The following OPCML variants were observed in gnomAD, a reference collection of about 807,000 sequenced individuals.
OPCML encodes the protein opioid-binding protein/cell adhesion molecule.
In OPCML, 13 loss-of-function variants were observed where a neutral mutation model predicts 37.8. The observed-to-expected ratio is 0.34, with a 90% CI of 0.22 to 0.55. The LOEUF (loss-of-function observed/expected upper bound fraction) is 0.55, where lower values mean the gene tolerates loss of function less well. Ranked by LOEUF, OPCML falls within the 20% of genes least tolerant of loss-of-function variation. The pLI, the probability that OPCML is intolerant of heterozygous loss-of-function variation, is 0.91. For missense variants in OPCML, 341 were observed against 435.6 expected, an observed-to-expected ratio of 0.78 and a Z score of 1.93; for synonymous variants, 176 against 168.8, an observed-to-expected ratio of 1.04 and a Z score of -0.33.
At position 132,454,547 on chromosome 11, in the gene OPCML, G is replaced by A. The variant is rs1003628079; in HGVS notation, c.506-17188C>T. 1.9e-4 allele frequency among the ~76,000 whole-genome samples: 29 copies of A among 152,188 alleles called. 1 individual carries two copies. The highest frequency in any genetic ancestry group is 1.2e-4 in the African/African-American group (5 of 41,450). On this transcript the variant is annotated intron_variant, in intron 4 of 7. Transcript: ENST00000524381. Reference sequence around the variant, plus strand: ...GCCTCTTCCACACACTGCTCACTGCGACAGCCTCGCAGAGGGCTCCCAGCT... The same window carrying A: ...GCCTCTTCCACACACTGCTCACTGCAACAGCCTCGCAGAGGGCTCCCAGCT...
intron 1 of OPCML, among the ~76,000 whole-genome samples, chr11:133,289,905 C>T (rs1015281551): frequency 3.9e-5 from 6 of 152,166 alleles, no homozygotes; most frequent in South Asian, 2.1e-4. Flanking sequence ...GGGGGATTAA[C>T]GTCCATTTCC....
intron 2 of OPCML, among the ~76,000 whole-genome samples, chr11:132,776,219 C>T (rs570243568): frequency 2.8e-4 from 43 of 152,320 alleles, no homozygotes; most frequent in Admixed American, 1.8e-3. Context: ...GTTGAGTCAC[C>T]GCGCCCAGCT....
chr11:133,320,150 C>T (rs1943296261), intron 1 of OPCML, among the ~76,000 whole-genome samples: 1 of 152,156 alleles, frequency 6.6e-6, no homozygotes, highest in Non-Finnish European at 1.5e-5. Context: ...ATTTTATTTT[C>T]CCTAATATGT....
intron 1 of OPCML, among the ~76,000 whole-genome samples, chr11:133,091,450 A>G (rs1191694579): frequency 6.6e-6 from 1 of 152,204 alleles, no homozygotes; most frequent in Non-Finnish European, 1.5e-5. Flanking sequence ...CACCTCTTCA[A>G]TAATGCAAAC....
At chr11:133,518,220 TG>T (rs899529687) in intron 1 of OPCML, among the ~76,000 whole-genome samples, 59 of 150,928 alleles carry the variant, frequency 3.9e-4, no homozygotes, top group Admixed American at 9.9e-4. Flanking sequence ...TATAAGTGTG[TG>T]GGGGGGTGTG....
chr11:133,047,070 T>A (rs1948030960), intron 1 of OPCML, among the ~76,000 whole-genome samples: 1 of 152,172 alleles, frequency 6.6e-6, no homozygotes, highest in Admixed American at 6.5e-5. Context: ...AAACGGTGAT[T>A]GAGACAAGGT....
rs551892221 is a variant in OPCML at position 132,902,407 on chromosome 11, C to G, written c.146+40519G>C. On this transcript the variant is annotated intron_variant, in intron 2 of 7. Coordinates refer to ENST00000524381, the MANE Select transcript of OPCML (RefSeq NM_001012393.5). ...CTGTGTGACGTGCTCAGCATAGTGT[C>G]TGGCACATGCTGGGTGTGCACGGGT... Among the ~76,000 whole-genome samples, 19 of 152,312 alleles carry G rather than the reference C, an allele frequency of 1.2e-4. No individual in the cohort carries two copies. The East Asian group carries it at 3.7e-3, about 30-fold the overall frequency.
At chr11:132,942,730 A>G (rs532568266) in intron 2 of OPCML, among the ~76,000 whole-genome samples, 196 bp downstream of exon 2, 2 of 152,330 alleles carry the variant, frequency 1.3e-5, no homozygotes, top group South Asian at 4.1e-4. Flanking sequence ...ATCCTGGACC[A>G]GCATAGCCGG....
intron 1 of OPCML, among the ~76,000 whole-genome samples, chr11:133,115,506 A>AAACAAC (rs774021514): frequency 6.6e-5 from 10 of 152,296 alleles, no homozygotes; most frequent in African/African-American, 2.4e-4. Flanking sequence ...AAAACAAACA[A>AAACAAC]AACAACAACA....
At chr11:133,016,564 C>A (rs1464948817) in intron 1 of OPCML, among the ~76,000 whole-genome samples, 4 of 152,180 alleles carry the variant, frequency 2.6e-5, no homozygotes, top group Non-Finnish European at 5.9e-5. Context: ...CCAGGATGTT[C>A]ATCCTATTTC....
chr11:133,291,683 GAAGGTA>G (rs1942479021), intron 1 of OPCML, among the ~76,000 whole-genome samples: 1 of 152,218 alleles, frequency 6.6e-6, no homozygotes, highest in Non-Finnish European at 1.5e-5. Context: ...AGCCCTGGGG[GAAGGTA>G]TTCCACAGCT....
At chr11:133,054,943 C>T (rs1019188590) in intron 1 of OPCML, among the ~76,000 whole-genome samples, 7 of 150,740 alleles carry the variant, frequency 4.6e-5, no homozygotes, top group Non-Finnish European at 2.9e-5. Flanking sequence ...CTCCATGATA[C>T]TTCCAAGTGG....
At chr11:133,192,438 A>G (rs1938362822) in intron 1 of OPCML, among the ~76,000 whole-genome samples, 1 of 152,230 alleles carries the variant, frequency 6.6e-6, no homozygotes, top group Admixed American at 6.5e-5. Context: ...GCCTACTCAT[A>G]GATCCAGAAG....
At chr11:133,073,756 G>A (rs1948580906) in intron 1 of OPCML, among the ~76,000 whole-genome samples, 1 of 152,164 alleles carries the variant, frequency 6.6e-6, no homozygotes, top group Non-Finnish European at 1.5e-5. Flanking sequence ...TTTGCCAAGT[G>A]ATTATGAACA....
In OPCML at chr11:133,212,574, C is replaced by G. The variant is rs1256582786; in HGVS notation, c.62-269564G>C. Among the ~76,000 whole-genome samples the G allele has an allele frequency of 6.6e-6, 1 of 152,208 alleles. No homozygotes were observed. On this transcript the variant is annotated intron_variant, in intron 1 of 7. Transcript: ENST00000524381. This position sits in a 1 kb window ranked among gnomAD's most constrained non-coding sequence, Gnocchi z 4.9. ...GCTCACCCCGCTGCACTCTTGATCT[C>G]CCTTACTCTCTTTTACTTTCTCACT... is the stretch of plus-strand genomic sequence containing the variant.
At chr11:132,644,204 C>T (rs1056009897) in intron 3 of OPCML, among the ~76,000 whole-genome samples, 1 of 151,340 alleles carries the variant, frequency 6.6e-6, no homozygotes, top group Non-Finnish European at 1.5e-5. Flanking sequence ...TTTTTCCTAC[C>T]CTGTCTCTAC....
At chr11:132,625,457 C>T (rs1422085891) in intron 3 of OPCML, among the ~76,000 whole-genome samples, 1 of 152,190 alleles carries the variant, frequency 6.6e-6, no homozygotes, top group African/African-American at 2.4e-5. Context: ...CTCTAAGTCA[C>T]CACCATAATC....
chr11:132,542,898 C>G (rs951534513), intron 3 of OPCML, among the ~76,000 whole-genome samples: 5 of 152,182 alleles, frequency 3.3e-5, no homozygotes, highest in Non-Finnish European at 7.3e-5. Context: ...CTGTGCCTCA[C>G]CCCTGCACCC....
chr11:133,526,701 T>C (rs1948497866), intron 1 of OPCML, among the ~76,000 whole-genome samples: 1 of 152,078 alleles, frequency 6.6e-6, no homozygotes, highest in Non-Finnish European at 1.5e-5. Context: ...GTTAGAACCA[T>C]CCCCACCCCT....
Sources: allele counts gnomAD v4.1 joint callset (sites outside exome capture counted in the v4.1 genomes callset), GRCh38; gene constraint gnomAD v4.1.1; non-coding constraint Gnocchi (gnomAD v3.1); transcripts MANE v1.5; gene names NCBI Gene and HGNC (gene_info 2026-07-23, HGNC 2026-07-21).